ACO1: variants seen among roughly 807,000 people sequenced by gnomAD.
The protein encoded by ACO1 is aconitase 1, also known as cytoplasmic aconitate hydratase.
Under a neutral mutation model 105.1 loss-of-function variants are expected in ACO1, and 78 were observed. The ratio of observed to expected loss-of-function variants is 0.74; its 90% CI spans 0.62 to 0.90. ACO1 has a LOEUF of 0.90. Among genes scored for constraint, ACO1 ranks in the 40% least tolerant of loss-of-function variants. ACO1 has a pLI of 0.00. For synonymous variants in ACO1, 364 were observed against 397.4 expected (o/e 0.92, Z 1.00); for missense variants, 965 against 1,111.1 (o/e 0.87, Z 1.87).
At chr9:32,449,206 G>C (rs1822699171) in intron 20 of ACO1, 125 bp downstream of exon 20, 1 of 849,458 alleles carries the variant, frequency 1.2e-6, no homozygotes. Flanking sequence ...GACTGCATTA[G>C]ACTTAGGAGG....
intron 1 of ACO1, among the ~76,000 whole-genome samples, chr9:32,396,940 G>A (rs1451091098): frequency 6.6e-6 from 1 of 151,780 alleles, no homozygotes; most frequent in Non-Finnish European, 1.5e-5. Context: ...GCACAGAAAA[G>A]TTATATGGCT....
intron 15 of ACO1, among the ~76,000 whole-genome samples, chr9:32,433,358 C>T (rs1384632933): frequency 3.9e-5 from 6 of 152,136 alleles, no homozygotes; most frequent in African/African-American, 7.2e-5. Flanking sequence ...CTCAGCCTCT[C>T]GAGTAGCTCG....
chr9:32,391,638 A>G (rs1821269375), intron 1 of ACO1, among the ~76,000 whole-genome samples: 1 of 152,242 alleles, frequency 6.6e-6, no homozygotes, highest in Non-Finnish European at 1.5e-5. Flanking sequence ...CTGCTCGCAA[A>G]ACAGACATGT....
Position 32,427,552 on chromosome 9 carries a change from C to T in ACO1, c.1484+116C>T, listed in dbSNP as rs192209885. 1.7e-3 allele frequency: 2,456 copies of T among 1,412,926 alleles called. 17 individuals are homozygous for T. Among genetic ancestry groups the T allele is most frequent in the Non-Finnish European group, 1.0e-3 (1,036 of 1,021,404 alleles). 87.5% of individuals were successfully genotyped at this position (1,412,926 alleles called of 1,614,324 possible). A position where few individuals can be genotyped will look rare whatever the true frequency, so the allele number is the denominator to read the frequency against. ...ATCTGATGATATCTAATTGCATAGTCGTTTATCAGTTGGTAGTTAGACTTA... is the reference window on the plus strand; with the variant it reads ...ATCTGATGATATCTAATTGCATAGTTGTTTATCAGTTGGTAGTTAGACTTA... On this transcript the variant is annotated intron_variant, in intron 12 of 20. Coordinates refer to ENST00000309951, the MANE Select transcript of ACO1 (RefSeq NM_002197.3).
rs1822745339 is a variant in ACO1, at chr9:32,450,687, ATTATGTACC to A, written c.*579_*587del. On this transcript the variant is annotated 3_prime_UTR_variant, in exon 21 of 21. Coordinates refer to ENST00000309951, the MANE Select transcript of ACO1 (RefSeq NM_002197.3). ...TAGGTCGGGTGTTAAAGTTGTTTTG[ATTATGTACC>A]TTTTGATAGATCCACATAAAAAGAA... The A allele has an allele frequency of 6.6e-6, 1 of 152,332 alleles. No individual in the cohort carries two copies. The allele number at this position is 152,332 out of a possible 1,614,324, so 9.4% of individuals were successfully genotyped here. A position where few individuals can be genotyped will look rare whatever the true frequency, so the allele number is the denominator to read the frequency against.
chr9:32,418,339 GGCTTTTCACAACATGC>G lies in ACO1; in HGVS notation c.488_503del (p.Ala163GlyfsTer13). On this transcript the variant is annotated frameshift_variant, in exon 6 of 21. Transcript: ENST00000309951. LOFTEE classifies it high-confidence loss of function. The stretch of plus-strand genomic sequence containing the variant: ...TTTGTCAATCCCAGTGGGGTTCCCA[GGCTTTTCACAACATGC>G]GGATTATTCCCCCTGGCTCAGGAAT... 1 of 1,614,118 alleles carries G rather than the reference GGCTTTTCACAACATGC, an allele frequency of 6.2e-7. No homozygotes were observed. Among genetic ancestry groups the G allele is most frequent in the Non-Finnish European group, 8.5e-7 (1 of 1,179,996 alleles).
chr9:32,393,167 G>C (rs1041876936), intron 1 of ACO1, among the ~76,000 whole-genome samples: 21 of 152,226 alleles, frequency 1.4e-4, no homozygotes, highest in Admixed American at 1.2e-3. Flanking sequence ...GGTGAGCCGG[G>C]GGGGAAACAG....
At chr9:32,435,589 G>A (rs941780106) in intron 17 of ACO1, among the ~76,000 whole-genome samples, 16 of 152,152 alleles carry the variant, frequency 1.1e-4, no homozygotes, top group Non-Finnish European at 2.2e-4. Flanking sequence ...TGGTCACGGT[G>A]TTAATTGTAA....
At chr9:32,411,388 C>T (rs376500444) in intron 4 of ACO1, among the ~76,000 whole-genome samples, 3 of 152,036 alleles carry the variant, frequency 2.0e-5, no homozygotes, top group African/African-American at 7.2e-5. Flanking sequence ...GAAATGTATG[C>T]GTGTCAGATG....
chr9:32,385,611 G>A (rs1426449413), intron 1 of ACO1, among the ~76,000 whole-genome samples: 1 of 152,154 alleles, frequency 6.6e-6, no homozygotes, highest in Non-Finnish European at 1.5e-5. Context: ...TGAGAAGAGT[G>A]GCATTGTTTT....
intron 1 of ACO1, among the ~76,000 whole-genome samples, chr9:32,392,960 A>G (rs1821296618): frequency 6.6e-6 from 1 of 152,190 alleles, no homozygotes; most frequent in Non-Finnish European, 1.5e-5. Flanking sequence ...TCTTTACTTT[A>G]ATCTCTTAAT....
intron 4 of ACO1, among the ~76,000 whole-genome samples, chr9:32,414,620 C>T (rs1821810597): frequency 6.6e-6 from 1 of 152,170 alleles, no homozygotes; most frequent in African/African-American, 2.4e-5. Context: ...ATTCCTCCGT[C>T]AATCATCAGT....
intron 19 of ACO1, among the ~76,000 whole-genome samples, chr9:32,446,680 C>T (rs1191978599): frequency 6.6e-5 from 10 of 152,142 alleles, no homozygotes; most frequent in African/African-American, 1.9e-4. Flanking sequence ...TTCATAGCAT[C>T]GATGGTCTTT....
chr9:32,437,557 G>T (rs1044653341), intron 18 of ACO1, among the ~76,000 whole-genome samples: 2 of 152,084 alleles, frequency 1.3e-5, no homozygotes, highest in Non-Finnish European at 2.9e-5. Context: ...AGACATTGGG[G>T]GACCCCTAAT....
At chr9:32,421,760 AAAAAG>A (rs1264331599) in intron 8 of ACO1, among the ~76,000 whole-genome samples, 10 of 152,220 alleles carry the variant, frequency 6.6e-5, no homozygotes, top group East Asian at 1.9e-4. Context: ...AAAAAAAAGA[AAAAAG>A]AAAAGAAATG....
At chr9:32,398,266 TA>T (rs1821413455) in intron 1 of ACO1, among the ~76,000 whole-genome samples, 1 of 152,222 alleles carries the variant, frequency 6.6e-6, no homozygotes, top group Non-Finnish European at 1.5e-5. Context: ...ATGGAGACCC[TA>T]AAAGGTGAAT....
chr9:32,449,497 C>T (rs1241438977), intron 20 of ACO1, among the ~76,000 whole-genome samples: 1 of 152,154 alleles, frequency 6.6e-6, no homozygotes, highest in Non-Finnish European at 1.5e-5. Context: ...TGATAGATCC[C>T]TAGGCAAGGT....
intron 19 of ACO1, among the ~76,000 whole-genome samples, chr9:32,447,192 T>G (rs1185556764): frequency 6.6e-6 from 1 of 152,226 alleles, no homozygotes; most frequent in Non-Finnish European, 1.5e-5. Flanking sequence ...CCCTGTCACT[T>G]TCAAGTACAC....
chr9:32,427,426 T>C lies in ACO1; in HGVS notation c.1474T>C (p.Ser492Pro). 2 of 1,614,232 alleles carry C rather than the reference T, an allele frequency of 1.2e-6. No homozygotes were observed. Among genetic ancestry groups the C allele is most frequent in the African/African-American group, 1.3e-5 (1 of 75,068 alleles). ...AGAAAGCGGAGTCATGCCTTATCTG[T>C]CTCAGCTTGGGTGAGGGAGAGTTTT... is the stretch of plus-strand genomic sequence containing the variant. ...LQESGVMPYL[S>P]QLGFDVVGYG... Residue 492 changes from serine (S) to proline (P), a missense_variant, in exon 12 of 21, where the codon TCT (serine) becomes CCT (proline). Physicochemically the swap from Ser to Pro is moderately conservative, Grantham distance 74. Coordinates refer to ENST00000309951, the MANE Select transcript of ACO1 (RefSeq NM_002197.3).
Sources: allele counts gnomAD v4.1 joint callset (sites outside exome capture counted in the v4.1 genomes callset), GRCh38; gene constraint gnomAD v4.1.1; transcripts MANE v1.5; gene names NCBI Gene and HGNC (gene_info 2026-07-23, HGNC 2026-07-21).